STPG2: variants seen among roughly 807,000 people sequenced by gnomAD.
The protein encoded by STPG2 is sperm-tail PG-rich repeat-containing protein 2.
In STPG2, 56 loss-of-function variants were observed where a neutral mutation model predicts 54.2. The ratio of observed to expected loss-of-function variants is 1.03; its 90% confidence interval spans 0.83 to 1.29. STPG2 has a LOEUF of 1.29. STPG2 is among the 50% of genes most tolerant of loss of function. STPG2 has a pLI of 0.00. For missense variants in STPG2, 596 were observed against 544.9 expected (o/e 1.09, Z -0.93); for synonymous variants, 200 against 181.8 (o/e 1.10, Z -0.81).
chr4:98,140,868 C>T (rs1251972692), intron 1 of STPG2, among the ~76,000 whole-genome samples: 3 of 151,942 alleles, frequency 2.0e-5, no homozygotes, highest in Non-Finnish European at 4.4e-5. Flanking sequence ...TGTTGAAAGC[C>T]GAAAGATTAG....
chr4:97,503,051 T>A (rs1337278998), intron 4 of STPG2, among the ~76,000 whole-genome samples: 2 of 152,160 alleles, frequency 1.3e-5, no homozygotes, highest in East Asian at 3.9e-4. Flanking sequence ...TATATACTAT[T>A]TGGTTACCCA....
intron 10 of STPG2, among the ~76,000 whole-genome samples, chr4:97,636,516 A>G (rs1405327038): frequency 6.7e-6 from 1 of 148,302 alleles, no homozygotes; most frequent in South Asian, 2.1e-4. Flanking sequence ...GGAAATAGAG[A>G]CACAAAAAAC....
At chr4:97,944,982 T>C (rs968562863) in intron 7 of STPG2, among the ~76,000 whole-genome samples, 12 of 152,184 alleles carry the variant, frequency 7.9e-5, no homozygotes, top group South Asian at 2.1e-4. Context: ...CCTTTGAATA[T>C]AGAACATCTA....
At chr4:97,993,930 T>C (rs1384248062) in intron 5 of STPG2, among the ~76,000 whole-genome samples, 3 of 152,230 alleles carry the variant, frequency 2.0e-5, no homozygotes, top group Non-Finnish European at 4.4e-5. Flanking sequence ...TCAGTTTTAA[T>C]AGTTCCTGTT....
intron 5 of STPG2, among the ~76,000 whole-genome samples, chr4:98,075,967 G>A (rs1040224758): frequency 6.6e-6 from 1 of 152,186 alleles, no homozygotes; most frequent in Non-Finnish European, 1.5e-5. Flanking sequence ...AAATGAGGCT[G>A]GGCACAGTGG....
intron 9 of STPG2, among the ~76,000 whole-genome samples, chr4:97,717,458 A>G (rs1724325242): frequency 1.3e-5 from 2 of 152,304 alleles, no homozygotes; most frequent in East Asian, 3.9e-4. Context: ...CTGTTAAAAC[A>G]TGTGTTCCTA....
intron 5 of STPG2, among the ~76,000 whole-genome samples, chr4:98,006,470 GA>G (rs1487993510): frequency 3.3e-5 from 5 of 152,212 alleles, no homozygotes; most frequent in Non-Finnish European, 7.3e-5. Context: ...CTGATAGGAG[GA>G]AATCATTCTC....
At chr4:97,919,544 T>A (rs1268983536) in intron 8 of STPG2, among the ~76,000 whole-genome samples, 1 of 151,972 alleles carries the variant, frequency 6.6e-6, no homozygotes, top group Non-Finnish European at 1.5e-5. Context: ...AATGTTATGA[T>A]TAACTTTAAG....
At chr4:98,001,332 C>G (rs2149275848) in intron 5 of STPG2, among the ~76,000 whole-genome samples, 1 of 151,430 alleles carries the variant, frequency 6.6e-6, no homozygotes, top group Non-Finnish European at 1.5e-5. Context: ...GGTACACTAT[C>G]TAGTAGCAGT....
intron 10 of STPG2, among the ~76,000 whole-genome samples, chr4:97,675,929 T>C (rs1722824696): frequency 6.8e-6 from 1 of 146,720 alleles, no homozygotes; most frequent in East Asian, 2.0e-4. Context: ...TATACATATA[T>C]GTATATGCTA....
intron 10 of STPG2, among the ~76,000 whole-genome samples, chr4:97,561,407 C>T (rs1391357649): frequency 6.6e-6 from 1 of 152,156 alleles, no homozygotes; most frequent in African/African-American, 2.4e-5. Flanking sequence ...TGCCTGTTCA[C>T]TCTGATGGTA....
At chr4:97,541,314 T>A (rs980504831) in intron 4 of STPG2, among the ~76,000 whole-genome samples, 2 of 152,104 alleles carry the variant, frequency 1.3e-5, no homozygotes, top group Non-Finnish European at 2.9e-5. Context: ...CAAGCATTCT[T>A]ATACACCAAT....
At chr4:97,766,872 G>A (rs1726070203) in intron 9 of STPG2, among the ~76,000 whole-genome samples, 1 of 151,412 alleles carries the variant, frequency 6.6e-6, no homozygotes, top group Non-Finnish European at 1.5e-5. Flanking sequence ...TGTAACATAT[G>A]CTTAATTGTA....
intron 9 of STPG2, among the ~76,000 whole-genome samples, chr4:97,729,855 A>AT (rs138147185): frequency 0.057 from 8,700 of 151,940 alleles, 360 homozygotes; most frequent in South Asian, 0.17. Context: ...TGTAAATGGG[A>AT]TTTTTTTGCT....
chr4:97,569,432 A>G (rs1362013160), intron 10 of STPG2, among the ~76,000 whole-genome samples: 1 of 152,116 alleles, frequency 6.6e-6, no homozygotes, highest in Admixed American at 6.6e-5. Context: ...CTGACCTCCT[A>G]TCTTAACCTG....
intron 4 of STPG2, among the ~76,000 whole-genome samples, chr4:97,527,863 A>G (rs1473138477): frequency 1.3e-5 from 2 of 151,806 alleles, no homozygotes; most frequent in Non-Finnish European, 2.9e-5. Flanking sequence ...TTTTTCTTGT[A>G]AATTTATTTA....
At chr4:98,104,973 TTAGTAG>T (rs1346887955) in intron 5 of STPG2, among the ~76,000 whole-genome samples, 1 of 152,212 alleles carries the variant, frequency 6.6e-6, no homozygotes, top group Non-Finnish European at 1.5e-5. Flanking sequence ...AAAACCTAAC[TTAGTAG>T]TATGTACCTG....
chr4:97,992,446 C>T (rs10002249), intron 5 of STPG2, among the ~76,000 whole-genome samples: 60,063 of 151,956 alleles, frequency 0.4, 12,033 homozygotes, highest in Middle Eastern at 0.46. Flanking sequence ...CTATTCTGTT[C>T]CATTGGTCTG....
rs961887312 is a variant in STPG2 at position 97,728,758 on chromosome 4, T to C, written c.1205-15944A>G. Among the ~76,000 whole-genome samples the C allele has an allele frequency of 7.2e-5, 11 of 151,810 alleles. No homozygotes were observed. The East Asian group carries it at 2.1e-3, about 29-fold the overall frequency. ...TAACCTGATCAAACCACTCAGAAGA[T>C]CCTATAGAAATACTACATCCACATC... On this transcript the variant is annotated intron_variant, in intron 9 of 10. Transcript: ENST00000295268.
Sources: allele counts gnomAD v4.1 joint callset (sites outside exome capture counted in the v4.1 genomes callset), GRCh38; gene constraint gnomAD v4.1.1; transcripts MANE v1.5; gene names NCBI Gene and HGNC (gene_info 2026-07-23, HGNC 2026-07-21).